Variants in LRCH1 observed in about 807,000 individuals in gnomAD.
LRCH1 encodes leucine rich repeats and calponin homology domain containing 1.
Under a neutral mutation model 94.9 loss-of-function variants are expected in LRCH1, and 23 were observed. That is an observed-to-expected ratio of 0.24 (90% CI 0.17 to 0.34). LRCH1 has a LOEUF of 0.34. Ranked by LOEUF, LRCH1 falls within the 10% of genes least tolerant of loss-of-function variation. LRCH1 has a pLI of 1.00. For missense variants in LRCH1, 790 were observed against 945.9 expected, an observed-to-expected ratio of 0.84 and a Z score of 2.16; for synonymous variants, 364 against 354.9, an observed-to-expected ratio of 1.03 and a Z score of -0.29.
At chr13:46,573,861 TA>T (rs1461367191) in intron 1 of LRCH1, among the ~76,000 whole-genome samples, 25 of 74,922 alleles carry the variant, frequency 3.3e-4, no homozygotes, top group Admixed American at 1.4e-3. Flanking sequence ...TATATATATA[TA>T]TATATTTTTT....
intron 1 of LRCH1, among the ~76,000 whole-genome samples, chr13:46,593,043 C>G (rs1190124329): frequency 6.6e-6 from 1 of 151,664 alleles, no homozygotes; most frequent in Admixed American, 6.6e-5. Flanking sequence ...CCAATGTAGC[C>G]TTTCCTGCTT....
At chr13:46,559,582 A>G (rs969855348) in intron 1 of LRCH1, among the ~76,000 whole-genome samples, 21 of 152,240 alleles carry the variant, frequency 1.4e-4, no homozygotes, top group African/African-American at 5.1e-4. Flanking sequence ...ACAAACCTAC[A>G]TGCTATTCTC....
At chr13:46,713,789 T>C (rs1379006128) in intron 15 of LRCH1, among the ~76,000 whole-genome samples, 1 of 152,174 alleles carries the variant, frequency 6.6e-6, no homozygotes, top group Non-Finnish European at 1.5e-5. Context: ...CTGGGAGGAA[T>C]GGAGGTGAGT....
At chr13:46,705,577 A>G in intron 13 of LRCH1, 2 of 581,676 alleles carry the variant, frequency 3.4e-6, no homozygotes, top group South Asian at 3.8e-5. Context: ...TGCTGAGTCA[A>G]GCGATGGCAA....
chr13:46,673,618 A>G (rs1489440853), intron 3 of LRCH1, among the ~76,000 whole-genome samples: 1 of 152,258 alleles, frequency 6.6e-6, no homozygotes, highest in Non-Finnish European at 1.5e-5. Context: ...CCAAGCATTC[A>G]GAATACTTGA....
At chr13:46,581,789 A>G (rs1198156548) in intron 1 of LRCH1, among the ~76,000 whole-genome samples, 2 of 152,218 alleles carry the variant, frequency 1.3e-5, no homozygotes, top group Non-Finnish European at 2.9e-5. Flanking sequence ...ACTGCCATCA[A>G]TATTCCACCT....
chr13:46,579,979 A>G (rs2050346834), intron 1 of LRCH1, among the ~76,000 whole-genome samples: 1 of 152,230 alleles, frequency 6.6e-6, no homozygotes, highest in African/African-American at 2.4e-5. Flanking sequence ...AGCCAGGTTT[A>G]GAAAGTGGCT....
intron 19 of LRCH1, among the ~76,000 whole-genome samples, chr13:46,740,447 A>G (rs1296050645): frequency 6.6e-6 from 1 of 152,218 alleles, no homozygotes; most frequent in Non-Finnish European, 1.5e-5. Context: ...GTATCGAGCT[A>G]ACTTCAGAGG....
intron 2 of LRCH1, among the ~76,000 whole-genome samples, chr13:46,662,531 G>A (rs1190804861): frequency 2.6e-5 from 4 of 152,144 alleles, no homozygotes; most frequent in Non-Finnish European, 5.9e-5. Flanking sequence ...TAAAATAGAG[G>A]AAATTTAAAG....
intron 2 of LRCH1, among the ~76,000 whole-genome samples, chr13:46,656,444 C>T (rs79798724): frequency 0.013 from 1,987 of 152,228 alleles, 39 homozygotes; most frequent in African/African-American, 0.045. Context: ...GAAGATCTTA[C>T]CCCATTCAAA....
At chr13:46,668,444 C>G (rs796776679) in intron 2 of LRCH1, among the ~76,000 whole-genome samples, 66 of 152,296 alleles carry the variant, frequency 4.3e-4, no homozygotes, top group African/African-American at 1.5e-3. Context: ...CCAAAACAGA[C>G]TTAAACTGTA....
rs34512042 is a variant in LRCH1 at position 46,731,124 on chromosome 13, CTTT to C, written c.2007+2155_2007+2157del. 3.4e-3 allele frequency among the ~76,000 whole-genome samples: 432 copies of C among 127,808 alleles called. 2 individuals carry two copies. Among genetic ancestry groups the C allele is most frequent in the Non-Finnish European group, 4.9e-3 (294 of 59,864 alleles). 83.8% of individuals were successfully genotyped at this position (127,808 alleles called of 152,430 possible). ...ACCATTATGTCTTCTTTACTATAAG[CTTT>C]TTTTTTTTTTTTTTGGTAAAATTAA... On this transcript the variant is annotated intron_variant, in intron 18 of 19. Transcript: ENST00000389797.
chr13:46,699,709 A>G (rs1593361509), intron 10 of LRCH1, among the ~76,000 whole-genome samples: 1 of 152,180 alleles, frequency 6.6e-6, no homozygotes, highest in African/African-American at 2.4e-5. Flanking sequence ...CAATTGCCTG[A>G]AGAAGCCAAC....
intron 1 of LRCH1, among the ~76,000 whole-genome samples, chr13:46,599,878 GA>G (rs1367838195): frequency 6.6e-6 from 1 of 152,184 alleles, no homozygotes; most frequent in East Asian, 1.9e-4. Context: ...AATGGGATTG[GA>G]AAACATGTAG....
chr13:46,603,249 A>G (rs1377045962), intron 1 of LRCH1, among the ~76,000 whole-genome samples: 1 of 151,818 alleles, frequency 6.6e-6, no homozygotes. Flanking sequence ...CCCTGGGGAG[A>G]GCAGAGCCAC....
At chr13:46,642,087 A>G (rs566317128) in intron 1 of LRCH1, among the ~76,000 whole-genome samples, 12 of 152,350 alleles carry the variant, frequency 7.9e-5, no homozygotes, top group African/African-American at 2.4e-5. Flanking sequence ...GGAAAGGACA[A>G]TGCCCATTGT....
intron 2 of LRCH1, among the ~76,000 whole-genome samples, chr13:46,654,639 T>A (rs2051348601): frequency 6.6e-6 from 1 of 152,220 alleles, no homozygotes; most frequent in Non-Finnish European, 1.5e-5. Flanking sequence ...TTAATTTTGA[T>A]GTATGGGGAA....
intron 1 of LRCH1, among the ~76,000 whole-genome samples, chr13:46,649,316 T>A (rs2051262372): frequency 6.6e-6 from 1 of 152,244 alleles, no homozygotes; most frequent in Non-Finnish European, 1.5e-5. Context: ...TGAGTTGTTT[T>A]CAAAAGTAGT....
At chr13:46,625,417 G>A (rs1258234148) in intron 1 of LRCH1, among the ~76,000 whole-genome samples, 1 of 152,188 alleles carries the variant, frequency 6.6e-6, no homozygotes, top group African/African-American at 2.4e-5. Context: ...AGGTGATTAG[G>A]TCGTGAGGGT....
Sources: gnomAD v4.1 joint callset for allele counts (sites outside exome capture counted in the v4.1 genomes callset) on GRCh38, gnomAD v4.1.1 for gene constraint, MANE v1.5 for transcripts, NCBI Gene and HGNC (gene_info 2026-07-23, HGNC 2026-07-21) for gene names.